The following KMT2C variants were observed in gnomAD, a reference collection of about 807,000 sequenced individuals.
KMT2C encodes histone-lysine N-methyltransferase 2C.
KMT2C carries 88 observed loss-of-function variants against 507.9 expected under a neutral mutation model. That is an observed-to-expected ratio of 0.17 (90% confidence interval 0.15 to 0.21). The LOEUF (loss-of-function observed/expected upper bound fraction) is 0.21, where lower values mean the gene tolerates loss of function less well. Ranked by LOEUF, KMT2C falls within the 10% of genes least tolerant of loss-of-function variation. The pLI, the probability that KMT2C is intolerant of heterozygous loss-of-function variation, is 1.00. For missense variants in KMT2C, 4,954 were observed against 5,957.8 expected, an observed-to-expected ratio of 0.83 and a Z score of 5.55; for synonymous variants, 2,049 against 2,080.8, an observed-to-expected ratio of 0.98 and a Z score of 0.42.
chr7:152,259,442 A>ACGCACACACACGCG (rs1554587542), intron 9 of KMT2C, among the ~76,000 whole-genome samples: 6 of 118,074 alleles, frequency 5.1e-5, no homozygotes, highest in African/African-American at 2.3e-4. Context: ...AGACACACAC[A>ACGCACACACACGCG]CGCGCACACA....
intron 1 of KMT2C, among the ~76,000 whole-genome samples, chr7:152,397,448 G>A (rs1306573292): frequency 6.6e-6 from 1 of 152,082 alleles, no homozygotes; most frequent in Admixed American, 6.6e-5. Flanking sequence ...GGCTTTTGCT[G>A]CACTAAGGAT....
At chr7:152,320,937 A>G (rs2096767725) in intron 3 of KMT2C, among the ~76,000 whole-genome samples, 1 of 152,048 alleles carries the variant, frequency 6.6e-6, no homozygotes, top group Non-Finnish European at 1.5e-5. Context: ...ATAAATGGAT[A>G]ACTTAAAATC....
chr7:152,167,306 T>C lies in KMT2C; in HGVS notation c.9590A>G (p.Tyr3197Cys). The C allele has an allele frequency of 6.2e-7, 1 of 1,614,078 alleles. No homozygotes were observed. The highest frequency in any genetic ancestry group is 2.2e-5 in the East Asian group (1 of 44,880). The change falls in exon 42 of 59, where the codon TAT becomes TGT. Residue 3197 changes from tyrosine to cysteine, a missense_variant. Physicochemically the swap from Tyr to Cys is radical, Grantham distance 194. Coordinates refer to ENST00000262189, the MANE Select transcript of KMT2C (RefSeq NM_170606.3). The stretch of plus-strand genomic sequence containing the variant: ...GTGAGCACCAATTTGTTCTTCAAGA[T>C]ACTTCTGCTGCATTTGAAGCAGCTG... ...TQQLLQMQQK[Y>C]LEEQIGAHRK...
intron 6 of KMT2C, among the ~76,000 whole-genome samples, chr7:152,276,734 C>A (rs1472583663): frequency 1.4e-5 from 2 of 147,194 alleles, no homozygotes; most frequent in Non-Finnish European, 3.0e-5. Flanking sequence ...GCCTGGGAAA[C>A]AAAAGTGAGA....
chr7:152,157,749 A>G lies in KMT2C; in HGVS notation c.11670+1114T>C, dbSNP rs374879350. On this transcript the variant is annotated intron_variant, in intron 44 of 58. Transcript: ENST00000262189. ...AGATGAAGCAAGACAACACCTTGGC[A>G]GAGAAACATACCTTGTAGATCAACT... 263 of 1,213,772 alleles carry G rather than the reference A, an allele frequency of 2.2e-4. 1 individual carries two copies. Among genetic ancestry groups the G allele is most frequent in the South Asian group, 3.8e-4 (25 of 65,108 alleles). 75.2% of individuals were successfully genotyped at this position (1,213,772 alleles called of 1,614,324 possible). A position where few individuals can be genotyped will look rare whatever the true frequency, so the allele number is the denominator to read the frequency against.
chr7:152,162,096 G>A (rs770491265), intron 43 of KMT2C, 21 bp downstream of exon 43: 44 of 1,498,132 alleles, frequency 2.9e-5, no homozygotes, highest in Non-Finnish European at 3.6e-5. Context: ...AAAAGTTGTC[G>A]TTTTTATGAT....
At chr7:152,338,095 T>C (rs2096954958) in intron 2 of KMT2C, among the ~76,000 whole-genome samples, 1 of 152,074 alleles carries the variant, frequency 6.6e-6, no homozygotes, top group African/African-American at 2.4e-5. Context: ...CCTGACCTCG[T>C]GATCCGCTTG....
rs986854531 is a variant in KMT2C, at chr7:152,205,092, A to G, written c.3961+14T>C. The G allele has an allele frequency of 5.1e-6, 8 of 1,576,424 alleles. No individual in the cohort carries two copies. The highest frequency in any genetic ancestry group is 1.4e-5 in the African/African-American group (1 of 72,526). The stretch of plus-strand genomic sequence containing the variant: ...ACATTAAAAAAAAAATTTTTTTTTA[A>G]GTCAGTACTATACCATCATCTCTGC... On this transcript the variant is annotated intron_variant, in intron 25 of 58. Transcript: ENST00000262189.
intron 1 of KMT2C, among the ~76,000 whole-genome samples, chr7:152,390,528 C>G (rs2097484236): frequency 1.3e-5 from 2 of 152,280 alleles, no homozygotes; most frequent in Non-Finnish European, 2.9e-5. Flanking sequence ...CTACTGAGTA[C>G]CACAAATCCA....
At chr7:152,237,809 T>A (rs2095308768) in intron 15 of KMT2C, among the ~76,000 whole-genome samples, 1 of 152,140 alleles carries the variant, frequency 6.6e-6, no homozygotes, top group Admixed American at 6.5e-5. Context: ...CGAGTTTGTT[T>A]TGTTTTTAAA....
chr7:152,345,534 GTTTGT>G (rs1398356226), intron 2 of KMT2C, among the ~76,000 whole-genome samples: 5 of 152,100 alleles, frequency 3.3e-5, no homozygotes, highest in African/African-American at 1.2e-4. Flanking sequence ...TTGTTTGTTT[GTTTGT>G]TTTGAGACAG....
intron 6 of KMT2C, among the ~76,000 whole-genome samples, chr7:152,294,547 A>G (rs1169654563): frequency 1.3e-5 from 2 of 152,042 alleles, no homozygotes; most frequent in Non-Finnish European, 2.9e-5. Flanking sequence ...AAACATTGCT[A>G]GAGTTCATAG....
intron 14 of KMT2C, among the ~76,000 whole-genome samples, chr7:152,247,442 A>C (rs2095489168): frequency 6.6e-6 from 1 of 152,254 alleles, no homozygotes; most frequent in African/African-American, 2.4e-5. Flanking sequence ...CAAAATGAGA[A>C]ATTCCCCAGC....
intron 27 of KMT2C, among the ~76,000 whole-genome samples, chr7:152,197,716 T>C (rs753464117): frequency 1.6e-4 from 24 of 152,206 alleles, no homozygotes; most frequent in Non-Finnish European, 2.5e-4. Flanking sequence ...TATATCTGAA[T>C]AAATCATTAA....
intron 6 of KMT2C, among the ~76,000 whole-genome samples, chr7:152,283,860 A>T (rs1208130246): frequency 2.0e-5 from 3 of 152,344 alleles, no homozygotes; most frequent in African/African-American, 7.2e-5. Context: ...CCACAAATTA[A>T]CATGATGTTA....
At chr7:152,367,309 G>A (rs1167365527) in intron 1 of KMT2C, 3 of 1,066,900 alleles carry the variant, frequency 2.8e-6, no homozygotes, top group Non-Finnish European at 1.4e-6. Context: ...CCAGCTGGAG[G>A]AGCCCTGACC....
intron 6 of KMT2C, among the ~76,000 whole-genome samples, chr7:152,279,302 G>A (rs2096154702): frequency 1.3e-5 from 2 of 152,104 alleles, no homozygotes; most frequent in East Asian, 1.9e-4. Context: ...TCTGAGACGT[G>A]GCAAATGTGG....
chr7:152,220,398 G>C, intron 23 of KMT2C, 125 bp downstream of exon 23: 1 of 756,186 alleles, frequency 1.3e-6, no homozygotes, highest in Non-Finnish European at 2.2e-6. Flanking sequence ...GCAAGGGTCA[G>C]TCACATCAGG....
chr7:152,227,472 T>C (rs1432322369), intron 18 of KMT2C, among the ~76,000 whole-genome samples: 3 of 152,192 alleles, frequency 2.0e-5, no homozygotes, highest in Non-Finnish European at 4.4e-5. Flanking sequence ...ACAAAGTGTA[T>C]GATACAACTG....
Sources: allele counts gnomAD v4.1 joint callset (sites outside exome capture counted in the v4.1 genomes callset), GRCh38; gene constraint gnomAD v4.1.1; transcripts MANE v1.5; gene names NCBI Gene and HGNC (gene_info 2026-07-23, HGNC 2026-07-21).